CD2AP: variants seen among roughly 807,000 people sequenced by gnomAD.
CD2AP encodes the protein CD2-associated protein.
In CD2AP, 46 loss-of-function variants were observed where a neutral mutation model predicts 85.1. The observed-to-expected ratio is 0.54, with a 90% CI of 0.43 to 0.69. The LOEUF (loss-of-function observed/expected upper bound fraction) is 0.69. CD2AP is among the 30% of genes least tolerant of loss of function. CD2AP has a pLI of 0.00. For synonymous variants in CD2AP, 255 were observed against 252.9 expected (o/e 1.01, Z -0.08); for missense variants, 769 against 729.5 (o/e 1.05, Z -0.62).
At chr6:47,615,705 G>A (rs958544562) in intron 17 of CD2AP, among the ~76,000 whole-genome samples, 1 of 152,086 alleles carries the variant, frequency 6.6e-6, no homozygotes, top group Non-Finnish European at 1.5e-5. Flanking sequence ...CTGAGATTTG[G>A]TGGGGACACA....
intron 2 of CD2AP, among the ~76,000 whole-genome samples, chr6:47,532,807 T>C (rs112896646): frequency 7.3e-4 from 111 of 152,358 alleles, no homozygotes; most frequent in African/African-American, 2.6e-3. Context: ...TGAATTGCAT[T>C]GATATATTAC....
intron 3 of CD2AP, 132 bp downstream of exon 3, chr6:47,533,887 A>C: frequency 1.2e-6 from 1 of 827,364 alleles, no homozygotes; most frequent in African/African-American, 1.7e-5. Context: ...GTCTCATGTT[A>C]CTAGTTATTG....
In CD2AP at chr6:47,478,135, T is replaced by TAGCGCGG. The variant is rs1282370603; in HGVS notation, c.-102_-96dup. 1.4e-5 allele frequency: 20 copies of TAGCGCGG among 1,399,566 alleles called. No individual in the cohort carries two copies. The South Asian group carries it at 2.5e-4, about 17-fold the overall frequency. 86.7% of individuals were successfully genotyped at this position (1,399,566 alleles called of 1,614,324 possible). ...CGCCCCGCCTGAGCTCAGGAGGGGC[T>TAGCGCGG]AGCGCGGAGCGCGGGTCCCGCCTCC... On this transcript the variant is annotated 5_prime_UTR_variant, in exon 1 of 18. Transcript: ENST00000359314.
chr6:47,491,038 T>A (rs879354435), intron 1 of CD2AP, among the ~76,000 whole-genome samples: 6 of 152,160 alleles, frequency 3.9e-5, no homozygotes, highest in Non-Finnish European at 5.9e-5. Context: ...TAGTAGTATT[T>A]TGACTAATGG....
intron 8 of CD2AP, among the ~76,000 whole-genome samples, chr6:47,578,364 T>G (rs763268756): frequency 3.9e-5 from 6 of 151,940 alleles, no homozygotes; most frequent in Non-Finnish European, 8.8e-5. Context: ...CCATTGCGCC[T>G]GATTAATTCT....
chr6:47,564,047 A>G (rs1315357935), intron 5 of CD2AP, among the ~76,000 whole-genome samples: 1 of 152,188 alleles, frequency 6.6e-6, no homozygotes, highest in Non-Finnish European at 1.5e-5. Context: ...CATACCAACT[A>G]GATGTACTTT....
chr6:47,491,271 ATGTG>A (rs57447174), intron 1 of CD2AP, among the ~76,000 whole-genome samples: 2,013 of 122,564 alleles, frequency 0.016, 48 homozygotes, highest in African/African-American at 0.046. Flanking sequence ...GTGTGTGTGT[ATGTG>A]TGTGTGTGTG....
At chr6:47,577,369 C>CT (rs1348187572) in intron 8 of CD2AP, among the ~76,000 whole-genome samples, 11 of 151,144 alleles carry the variant, frequency 7.3e-5, no homozygotes, top group Middle Eastern at 3.4e-3. Context: ...TTTTTAAGTA[C>CT]TTTTTTTTTA....
intron 5 of CD2AP, among the ~76,000 whole-genome samples, chr6:47,555,874 A>G (rs1021700301): frequency 6.6e-6 from 1 of 151,028 alleles, no homozygotes; most frequent in Non-Finnish European, 1.5e-5. Context: ...GCAGCGTCAT[A>G]GGTTGTTGTG....
At position 47,609,186 on chromosome 6, in the gene CD2AP, C is replaced by G. The variant is rs372234258; in HGVS notation, c.1696C>G (p.Pro566Ala). Residue 566 changes from proline (P) to alanine (A), a missense_variant, in exon 16 of 18, where the codon CCA (proline) becomes GCA (alanine). Transcript: ENST00000359314. ...AGCAAATACAACTGCTTTCCTGACT[C>G]CATTAGAAATCAAAGCTAAAGTGGA... ...SKANTTAFLT[P>A]LEIKAKVETD... The G allele has an allele frequency of 1.2e-6, 2 of 1,613,178 alleles. No individual in the cohort carries two copies. The highest frequency in any genetic ancestry group is 1.1e-5 in the South Asian group (1 of 91,062).
chr6:47,567,000 T>C (rs536598589), intron 5 of CD2AP, among the ~76,000 whole-genome samples: 4 of 152,172 alleles, frequency 2.6e-5, no homozygotes, highest in African/African-American at 9.7e-5. Context: ...CACTCCCATT[T>C]TAAGGGTCAA....
At chr6:47,544,132 G>A (rs1220230097) in intron 3 of CD2AP, among the ~76,000 whole-genome samples, 1 of 152,186 alleles carries the variant, frequency 6.6e-6, no homozygotes, top group East Asian at 1.9e-4. Context: ...TTAGCTGTCT[G>A]AAAATAGTTA....
At chr6:47,621,588 C>T (rs543224940) in intron 17 of CD2AP, among the ~76,000 whole-genome samples, 62 of 152,292 alleles carry the variant, frequency 4.1e-4, no homozygotes, top group African/African-American at 1.4e-3. Flanking sequence ...CCTTCTTTCT[C>T]TATCTTGTGG....
intron 11 of CD2AP, 89 bp downstream of exon 11, chr6:47,582,154 A>G (rs995672724): frequency 2.4e-6 from 2 of 828,302 alleles, no homozygotes; most frequent in African/African-American, 1.7e-5. Context: ...AGTTATTTAC[A>G]CTGATTTTTA....
chr6:47,519,361 TGTG>T (rs1766527315), intron 2 of CD2AP, among the ~76,000 whole-genome samples: 1 of 151,940 alleles, frequency 6.6e-6, no homozygotes, highest in Non-Finnish European at 1.5e-5. Context: ...GTAGGCTGCA[TGTG>T]ATGGTTTGGG....
At position 47,478,203 on chromosome 6, in the gene CD2AP, A is replaced by C; in HGVS notation, c.-42A>C. ...CGCGAGCCACCACTGGAGGAGGAGG[A>C]GGAGGAGCGGACGTCGGCTTCTCCC... is the stretch of plus-strand genomic sequence containing the variant. On this transcript the variant is annotated 5_prime_UTR_variant, in exon 1 of 18. Coordinates refer to ENST00000359314, the MANE Select transcript of CD2AP (RefSeq NM_012120.3). 6.4e-7 allele frequency: 1 copy of C among 1,562,972 alleles called. No individual in the cohort carries two copies.
chr6:47,544,797 TGA>T, intron 4 of CD2AP, 91 bp downstream of exon 4: 2 of 783,646 alleles, frequency 2.6e-6, no homozygotes, highest in Non-Finnish European at 4.4e-6. Flanking sequence ...TAGTCTTTTG[TGA>T]GAACTGTTGT....
At chr6:47,507,102 T>C (rs1766192862) in intron 2 of CD2AP, among the ~76,000 whole-genome samples, 1 of 152,236 alleles carries the variant, frequency 6.6e-6, no homozygotes, top group Non-Finnish European at 1.5e-5. Context: ...AGATTCCAGC[T>C]CAAGAAGCCA....
chr6:47,510,473 A>G (rs913661649), intron 2 of CD2AP, among the ~76,000 whole-genome samples: 2 of 152,146 alleles, frequency 1.3e-5, no homozygotes, highest in African/African-American at 4.8e-5. Flanking sequence ...GGTGGCAGAA[A>G]ATTAAGTGGT....
Sources: allele counts gnomAD v4.1 joint callset (sites outside exome capture counted in the v4.1 genomes callset), GRCh38; gene constraint gnomAD v4.1.1; transcripts MANE v1.5; gene names NCBI Gene and HGNC (gene_info 2026-07-23, HGNC 2026-07-21).